The following SLC24A4 variants were observed in gnomAD, a reference collection of about 807,000 sequenced individuals.
The protein encoded by SLC24A4 is sodium/potassium/calcium exchanger 4.
SLC24A4 carries 53 observed loss-of-function variants against 79.0 expected under a neutral mutation model. The ratio of observed to expected loss-of-function variants is 0.67; its 90% CI spans 0.54 to 0.84. The LOEUF is 0.84. Ranked by LOEUF, SLC24A4 falls within the 40% of genes least tolerant of loss-of-function variation. The pLI, the probability that SLC24A4 is intolerant of heterozygous loss-of-function variation, is 0.00. For synonymous variants in SLC24A4, 323 were observed against 323.8 expected (o/e 1.00, Z 0.03); for missense variants, 731 against 822.0 (o/e 0.89, Z 1.35).
At chr14:92,373,377 C>T (rs563527309) in intron 2 of SLC24A4, among the ~76,000 whole-genome samples, 37 of 152,138 alleles carry the variant, frequency 2.4e-4, no homozygotes, top group Middle Eastern at 3.4e-3. Context: ...ATGGAGGCCC[C>T]GGAAGGAGAA....
chr14:92,465,120 C>T (rs922029072), intron 12 of SLC24A4, among the ~76,000 whole-genome samples: 1 of 152,222 alleles, frequency 6.6e-6, no homozygotes, highest in African/African-American at 2.4e-5. Context: ...GATGCAGCCT[C>T]GATTTAATGC....
At position 92,482,817 on chromosome 14, in the gene SLC24A4, G is replaced by T. The variant is rs778938351; in HGVS notation, c.1393G>T (p.Ala465Ser). 2 of 1,613,374 alleles carry T rather than the reference G, an allele frequency of 1.2e-6. No homozygotes were observed. The highest frequency in any genetic ancestry group is 1.7e-5 in the Admixed American group (1 of 59,964). Residue 465 changes from alanine to serine, a missense_variant, in exon 13 of 17, where the codon GCT becomes TCT. Ala to Ser is a moderately conservative substitution (Grantham distance 99). Coordinates refer to ENST00000532405, the MANE Select transcript of SLC24A4 (RefSeq NM_153646.4). Reference protein sequence around the residue: ...VTFITATLWIAVFSYIMVWLV... With the variant: ...VTFITATLWISVFSYIMVWLV... ...CTTCATCACCGCCACGCTGTGGATC[G>T]CTGTGTTCTCCTACATCATGGTGTG...
chr14:92,349,971 C>T (rs560975146), intron 2 of SLC24A4, among the ~76,000 whole-genome samples: 11 of 152,278 alleles, frequency 7.2e-5, no homozygotes, highest in Admixed American at 3.9e-4. Context: ...AGACACTCAC[C>T]GCCTACCTGG....
At chr14:92,439,155 T>A (rs1325882567) in intron 3 of SLC24A4, among the ~76,000 whole-genome samples, 180 bp from the exon 4 acceptor site, 6 of 152,218 alleles carry the variant, frequency 3.9e-5, no homozygotes, top group Non-Finnish European at 5.9e-5. Context: ...TGGGCCTCAG[T>A]TTCCCCATTT....
At chr14:92,352,494 G>A (rs1288784020) in intron 2 of SLC24A4, among the ~76,000 whole-genome samples, 4 of 152,186 alleles carry the variant, frequency 2.6e-5, no homozygotes, top group Non-Finnish European at 5.9e-5. Flanking sequence ...ACAGGCAAAG[G>A]GTTGGATATG....
chr14:92,462,984 G>A (rs953241654), intron 12 of SLC24A4, among the ~76,000 whole-genome samples: 1 of 152,196 alleles, frequency 6.6e-6, no homozygotes, highest in Non-Finnish European at 1.5e-5. Flanking sequence ...TGGGATGCTA[G>A]TCTTCTAGTG....
chr14:92,350,627 A>G (rs1886811871), intron 2 of SLC24A4, among the ~76,000 whole-genome samples: 1 of 152,200 alleles, frequency 6.6e-6, no homozygotes, highest in South Asian at 2.1e-4. Context: ...TTAATCCATG[A>G]GAGTCCATTT....
At chr14:92,434,206 G>A (rs1432393418) in intron 3 of SLC24A4, among the ~76,000 whole-genome samples, 1 of 152,168 alleles carries the variant, frequency 6.6e-6, no homozygotes, top group Non-Finnish European at 1.5e-5. Context: ...GACCAACACA[G>A]GAATGCAAGT....
At chr14:92,439,307 C>G in intron 3 of SLC24A4, 28 bp from the exon 4 acceptor site, 1 of 1,602,792 alleles carries the variant, frequency 6.2e-7, no homozygotes, top group Non-Finnish European at 8.5e-7. Flanking sequence ...CCCTCACCGA[C>G]CCTGCCTGTC....
At position 92,408,401 on chromosome 14, in the gene SLC24A4, A is replaced by G. The variant is rs115044582; in HGVS notation, c.242-25511A>G. 4,005 of 985,410 alleles carry G rather than the reference A, an allele frequency of 4.1e-3. 146 individuals carry two copies. The African/African-American group carries it at 0.063, about 16-fold the overall frequency. 61.0% of individuals were successfully genotyped at this position (985,410 alleles called of 1,614,324 possible). Reference sequence around the variant, plus strand: ...AGCAATAAGTGCCTGTGTGTTGGCAACTGCAGCTAAAGCTCTCCTATCTCT... The same window carrying G: ...AGCAATAAGTGCCTGTGTGTTGGCAGCTGCAGCTAAAGCTCTCCTATCTCT... On this transcript the variant is annotated intron_variant, in intron 2 of 16. Coordinates refer to ENST00000532405, the MANE Select transcript of SLC24A4 (RefSeq NM_153646.4).
intron 2 of SLC24A4, among the ~76,000 whole-genome samples, chr14:92,336,545 C>G (rs1341323755): frequency 6.6e-6 from 1 of 152,164 alleles, no homozygotes; most frequent in African/African-American, 2.4e-5. Context: ...GTGGCTCCAG[C>G]CCTGAGTCTC....
intron 2 of SLC24A4, among the ~76,000 whole-genome samples, chr14:92,399,104 C>G (rs1322416142): frequency 6.6e-6 from 1 of 152,078 alleles, no homozygotes; most frequent in Non-Finnish European, 1.5e-5. Flanking sequence ...TGGGGAGAGC[C>G]CTGCTAATTT....
intron 2 of SLC24A4, among the ~76,000 whole-genome samples, chr14:92,430,260 A>T (rs1313216319): frequency 6.6e-6 from 1 of 152,218 alleles, no homozygotes; most frequent in African/African-American, 2.4e-5. Context: ...TAGACAGTCC[A>T]GTGGCTACCA....
chr14:92,470,978 T>C (rs1333593707), intron 12 of SLC24A4, among the ~76,000 whole-genome samples: 2 of 152,234 alleles, frequency 1.3e-5, no homozygotes, highest in African/African-American at 4.8e-5. Flanking sequence ...GTTGGTTTTA[T>C]CCCTGTGTTG....
At chr14:92,337,394 G>A (rs749018368) in intron 2 of SLC24A4, among the ~76,000 whole-genome samples, 1 of 152,180 alleles carries the variant, frequency 6.6e-6, no homozygotes, top group Non-Finnish European at 1.5e-5. Flanking sequence ...AGCTTACAGC[G>A]AATGGTGACT....
intron 2 of SLC24A4, among the ~76,000 whole-genome samples, chr14:92,371,763 C>T (rs1407143838): frequency 6.6e-6 from 1 of 152,238 alleles, no homozygotes; most frequent in African/African-American, 2.4e-5. Flanking sequence ...TCACCCCAGA[C>T]AATGAAACCA....
Position 92,342,540 on chromosome 14 carries a change from C to T in SLC24A4, c.241+16562C>T, listed in dbSNP as rs183190309. On this transcript the variant is annotated intron_variant, in intron 2 of 16. Coordinates refer to ENST00000532405, the MANE Select transcript of SLC24A4 (RefSeq NM_153646.4). ...CTGGGATTACAGGCATGCGCCACCA[C>T]GCCCGGCTAATTTTGTATTTTTAGT... is the stretch of plus-strand genomic sequence containing the variant. Among the ~76,000 whole-genome samples the T allele has an allele frequency of 3.7e-3, 569 of 152,120 alleles. 6 individuals are homozygous for T. The highest frequency in any genetic ancestry group is 0.013 in the African/African-American group (529 of 41,494).
intron 2 of SLC24A4, among the ~76,000 whole-genome samples, chr14:92,405,099 C>A (rs1308660891): frequency 1.3e-5 from 2 of 151,596 alleles, no homozygotes; most frequent in African/African-American, 4.9e-5. Flanking sequence ...TGGGTACAAA[C>A]CCCAACTTTG....
chr14:92,334,399 C>G (rs1332312108), intron 2 of SLC24A4, among the ~76,000 whole-genome samples: 2 of 152,100 alleles, frequency 1.3e-5, no homozygotes, highest in African/African-American at 4.8e-5. Context: ...GAAGATGGCA[C>G]CCGGCATCAC....
Sources: gnomAD v4.1 joint callset for allele counts (sites outside exome capture counted in the v4.1 genomes callset) on GRCh38, gnomAD v4.1.1 for gene constraint, MANE v1.5 for transcripts, NCBI Gene and HGNC (gene_info 2026-07-23, HGNC 2026-07-21) for gene names.